ATP10B: variants seen among roughly 807,000 people sequenced by gnomAD.
ATP10B encodes ATPase phospholipid transporting 10B (putative).
A neutral mutation model predicts 141.2 loss-of-function variants in ATP10B; 122 were observed. That is an observed-to-expected ratio of 0.86 (90% CI 0.75 to 1.00). ATP10B has a LOEUF of 1.00. Ranked by LOEUF, ATP10B falls within the 50% of genes least tolerant of loss-of-function variation. The pLI, the probability that ATP10B is intolerant of heterozygous loss-of-function variation, is 0.00. For missense variants in ATP10B, 1,876 were observed against 1,825.3 expected (o/e 1.03, Z -0.51); for synonymous variants, 685 against 692.0 (o/e 0.99, Z 0.16).
Position 160,606,765 on chromosome 5 carries a change from C to T in ATP10B, c.3160G>A (p.Gly1054Ser), listed in dbSNP as rs1386665334. Reference protein sequence around the residue: ...DKLRVMTLSIGDGANDVSMIQ... With the variant: ...DKLRVMTLSISDGANDVSMIQ... ...ACCCGCATCTCAGTATGATGGGTACCTATGGAAAGGGTCATGACGCGCAAC... is the reference window on the plus strand; with the variant it reads ...ACCCGCATCTCAGTATGATGGGTACTTATGGAAAGGGTCATGACGCGCAAC... Residue 1054 changes from glycine (G) to serine (S), a missense_variant and splice_region_variant, in exon 19 of 26, where the codon GGT becomes AGT. By Grantham distance (56) the Gly-to-Ser change is moderately conservative (BLOSUM62 0). Transcript: ENST00000327245. 5 of 1,611,432 alleles carry T rather than the reference C, an allele frequency of 3.1e-6. No homozygotes were observed. The African/African-American group carries it at 4.0e-5, about 13-fold the overall frequency.
In ATP10B at chr5:160,762,605, T is replaced by C. The variant is rs192242273; in HGVS notation, c.-331+22954A>G. On this transcript the variant is annotated intron_variant, in intron 2 of 25. Transcript: ENST00000327245. ...ACCTCAAAATACACCAAAATGAACC[T>C]CCTTAAAGCATAAGTCTCACAGGAT... 8.5e-4 allele frequency among the ~76,000 whole-genome samples: 129 copies of C among 151,536 alleles called. 1 individual carries two copies. Among genetic ancestry groups the C allele is most frequent in the Non-Finnish European group, 1.6e-3 (107 of 67,874 alleles).
the ATP10B span, among the ~76,000 whole-genome samples, chr5:160,917,269 CTT>C: frequency 0.034 from 4,300 of 127,598 alleles, 182 homozygotes; most frequent in East Asian, 0.21. Context: ...TAGGGTACTT[CTT>C]TTTTTTTTTT....
intron 2 of ATP10B, among the ~76,000 whole-genome samples, chr5:160,776,279 G>A (rs4072306): frequency 0.45 from 67,795 of 152,018 alleles, 15,354 homozygotes; most frequent in East Asian, 0.59. Flanking sequence ...ACCTAAGTTC[G>A]AGTCCCAGTT....
At chr5:160,586,150 C>A (rs1456701449) in intron 24 of ATP10B, among the ~76,000 whole-genome samples, 2 of 152,100 alleles carry the variant, frequency 1.3e-5, no homozygotes, top group Non-Finnish European at 2.9e-5. Context: ...CCTGACAGTC[C>A]CCAGTGTGTG....
At chr5:160,621,077 T>G (rs1758322393) in intron 14 of ATP10B, 127 bp from the exon 15 acceptor site, 2 of 1,154,056 alleles carry the variant, frequency 1.7e-6, no homozygotes, top group Non-Finnish European at 2.4e-6. Context: ...AGCCCTGAAA[T>G]TCTAAGCATT....
chr5:160,819,802 G>A (rs1421016956), intron 1 of ATP10B, among the ~76,000 whole-genome samples: 2 of 151,892 alleles, frequency 1.3e-5, no homozygotes, highest in African/African-American at 2.4e-5. Flanking sequence ...AAGCCTCATG[G>A]CACCCTAAAT....
chr5:160,651,150 T>C (rs1329663578), intron 7 of ATP10B, among the ~76,000 whole-genome samples: 1 of 152,156 alleles, frequency 6.6e-6, no homozygotes, highest in Non-Finnish European at 1.5e-5. Flanking sequence ...TGCCTTTCTT[T>C]AGAGATGGGA....
At position 160,602,599 on chromosome 5, in the gene ATP10B, A is replaced by G. The variant is rs1172956497; in HGVS notation, c.3341T>C (p.Val1114Ala). Residue 1114 changes from valine (V) to alanine (A), a missense_variant, in exon 21 of 26, where the codon GTG becomes GCG. By Grantham distance (64) the Val-to-Ala change is moderately conservative (BLOSUM62 0). Transcript: ENST00000327245. ...TACCACGTTCTTGTAGAGGTAGTAC[A>G]CCACCATCCTGGCCAGGCGCGAGTA... The part of the protein sequence containing the change: ...WCYSRLARMV[V>A]YYLYKNVCYV... 4.3e-6 allele frequency: 7 copies of G among 1,613,962 alleles called. No homozygotes were observed. Among genetic ancestry groups the G allele is most frequent in the Non-Finnish European group, 5.1e-6 (6 of 1,179,910 alleles).
intron 22 of ATP10B, among the ~76,000 whole-genome samples, chr5:160,592,613 T>C (rs148332346): frequency 0.057 from 8,747 of 152,294 alleles, 824 homozygotes; most frequent in African/African-American, 0.2. Context: ...GGGCGAGGCA[T>C]TGCCTCATTC....
intron 7 of ATP10B, among the ~76,000 whole-genome samples, chr5:160,652,715 TTA>T (rs1331014970): frequency 1.6e-5 from 2 of 123,034 alleles, no homozygotes; most frequent in Admixed American, 9.8e-5. Context: ...CATATATAAT[TTA>T]TATATAATAT....
At chr5:160,716,454 A>C (rs905437911) in intron 3 of ATP10B, among the ~76,000 whole-genome samples, 1 of 152,212 alleles carries the variant, frequency 6.6e-6, no homozygotes, top group Non-Finnish European at 1.5e-5. Context: ...AAGGTCTCAT[A>C]GCTGTCGGTG....
intron 6 of ATP10B, among the ~76,000 whole-genome samples, chr5:160,677,759 A>C (rs1049157365): frequency 1.3e-5 from 2 of 152,250 alleles, no homozygotes; most frequent in Non-Finnish European, 2.9e-5. Context: ...GCAACCCCAG[A>C]ATATACTTTT....
In ATP10B at chr5:160,565,404, C is replaced by T. The variant is rs544887932; in HGVS notation, c.*49G>A. 1.1e-3 allele frequency: 1,687 copies of T among 1,568,788 alleles called. 31 individuals are homozygous for T. The South Asian group carries it at 0.018, about 17-fold the overall frequency. ...AAGAAGGGGTCAAGGGTTATGTGGA[C>T]CAGTGACTAGGTGGCCTCTGTTGAG... On this transcript the variant is annotated 3_prime_UTR_variant, in exon 26 of 26. Coordinates refer to ENST00000327245, the MANE Select transcript of ATP10B (RefSeq NM_025153.3).
At position 160,688,834 on chromosome 5, in the gene ATP10B, G is replaced by A. The variant is rs1660596534; in HGVS notation, c.-95C>T. ...GTTCTTTCCTAGGAAATTTGTCCATGAGGTGACTGGGCTGTGCTACTGTCC... is the reference window on the plus strand; with the variant it reads ...GTTCTTTCCTAGGAAATTTGTCCATAAGGTGACTGGGCTGTGCTACTGTCC... On this transcript the variant is annotated 5_prime_UTR_variant, in exon 4 of 26. Transcript: ENST00000327245. 1 of 985,444 alleles carries A rather than the reference G, an allele frequency of 1.0e-6. No individual in the cohort carries two copies. The highest frequency in any genetic ancestry group is 1.2e-6 in the Non-Finnish European group (1 of 829,916). The allele number at this position is 985,444 out of a possible 1,614,324, so 61.0% of individuals were successfully genotyped here.
chr5:160,782,272 G>A (rs1330049487), intron 2 of ATP10B, among the ~76,000 whole-genome samples: 1 of 152,168 alleles, frequency 6.6e-6, no homozygotes, highest in African/African-American at 2.4e-5. Context: ...GGTGTTTACA[G>A]TTTAGACAAG....
chr5:160,615,847 T>A lies in ATP10B; in HGVS notation c.2644A>T (p.Thr882Ser). 2 of 1,611,316 alleles carry A rather than the reference T, an allele frequency of 1.2e-6. No homozygotes were observed. Among genetic ancestry groups the A allele is most frequent in the Non-Finnish European group, 1.7e-6 (2 of 1,177,758 alleles). Reference sequence around the variant, plus strand: ...ACTTATTTTTAGCTACCAAGTAAGGTGAGTTGATTCTCCAGATGCTGTGCA... The same window carrying A: ...ACTTATTTTTAGCTACCAAGTAAGGAGAGTTGATTCTCCAGATGCTGTGCA... Reference protein sequence around the residue: ...ETAQHLENQLTLLGATGIEDR... With the variant: ...ETAQHLENQLSLLGATGIEDR... Residue 882 changes from threonine to serine, a missense_variant, in exon 17 of 26, where the codon ACC becomes TCC. By Grantham distance (58) the Thr-to-Ser change is moderately conservative. Coordinates refer to ENST00000327245, the MANE Select transcript of ATP10B (RefSeq NM_025153.3).
In ATP10B at chr5:160,707,575, A is replaced by G. The variant is rs1339286393; in HGVS notation, c.-205+9334T>C. 2.6e-5 allele frequency among the ~76,000 whole-genome samples: 4 copies of G among 152,256 alleles called. No homozygotes were observed. The East Asian group carries it at 5.8e-4, about 22-fold the overall frequency. On this transcript the variant is annotated intron_variant, in intron 3 of 25. Transcript: ENST00000327245. ...TTTTAAATTGTAATATGCGCATGTT[A>G]TGTTCTGAATAGGGGCACACAAATT...
intron 7 of ATP10B, among the ~76,000 whole-genome samples, chr5:160,665,847 A>G (rs1762287815): frequency 6.6e-6 from 1 of 152,218 alleles, no homozygotes. Flanking sequence ...CCTTTTGGCA[A>G]GGTGAAGGTC....
Position 160,615,983 on chromosome 5 carries a change from C to T in ATP10B, c.2527-19G>A, listed in dbSNP as rs760982482. The T allele has an allele frequency of 1.2e-6, 2 of 1,606,054 alleles. No homozygotes were observed. The highest frequency in any genetic ancestry group is 2.2e-5 in the East Asian group (1 of 44,648). ...TTACAACCTATGGGATGGGAAAAGG[C>T]TCCTTAACAATCTTGGGTGGACCAA... On this transcript the variant is annotated intron_variant, in intron 16 of 25. Transcript: ENST00000327245.
Sources: gnomAD v4.1 joint callset for allele counts (sites outside exome capture counted in the v4.1 genomes callset) on GRCh38, gnomAD v4.1.1 for gene constraint, MANE v1.5 for transcripts, NCBI Gene and HGNC (gene_info 2026-07-23, HGNC 2026-07-21) for gene names.